LOC112694756: variants seen among roughly 807,000 people sequenced by gnomAD.
the LOC112694756 span, chr16:30,069,370 G>A: frequency 1.2e-6 from 2 of 1,614,180 alleles, no homozygotes. Flanking sequence ...TTGAAGCGCT[G>A]CCAGTATGTG....
chr16:30,068,150 C>T, the LOC112694756 span: 3 of 260,620 alleles, frequency 1.2e-5, no homozygotes, highest in East Asian at 2.0e-4. Flanking sequence ...CTGCAAGTTC[C>T]GCCTCCCAGG....
chr16:30,058,808 G>A, the LOC112694756 span: 1 of 387,290 alleles, frequency 2.6e-6, no homozygotes, highest in Non-Finnish European at 4.6e-6. Flanking sequence ...TGTGCATGTT[G>A]CAAGGTTCTC....
the LOC112694756 span, chr16:30,063,803 G>A: frequency 2.5e-6 from 1 of 399,366 alleles, no homozygotes; most frequent in East Asian, 3.6e-5. Flanking sequence ...CCGACTGCCA[G>A]AGCCTCAACT....
the LOC112694756 span, among the ~76,000 whole-genome samples, chr16:30,061,548 CTTTTTTTTTTTTTTT>C: frequency 1.8e-4 from 12 of 65,624 alleles, 1 homozygote; most frequent in South Asian, 7.8e-3. Context: ...CCTCCATTTC[CTTTTTTTTTTTTTTT>C]TTTTTTTTTT....
chr16:30,063,098 ACC>A, the LOC112694756 span, among the ~76,000 whole-genome samples: 1 of 151,252 alleles, frequency 6.6e-6, no homozygotes, highest in African/African-American at 2.4e-5. Context: ...CCAAGATCGC[ACC>A]ATTGCACTCC....
At chr16:30,069,783 C>T in the LOC112694756 span, 6 of 1,613,198 alleles carry the variant, frequency 3.7e-6, no homozygotes, top group Non-Finnish European at 5.1e-6. Flanking sequence ...CTGCCAGCTT[C>T]CTGGGTCTCT....
the LOC112694756 span, chr16:30,055,286 G>A: frequency 2.5e-6 from 1 of 399,206 alleles, no homozygotes. Flanking sequence ...GCCTAGCCCG[G>A]CCCACTTCCT....
the LOC112694756 span, chr16:30,069,544 C>T: frequency 1.9e-6 from 3 of 1,614,150 alleles, no homozygotes; most frequent in Non-Finnish European, 2.5e-6. Context: ...CCACATCTAC[C>T]TGGAAGGCAC....
At chr16:30,069,174 C>A in the LOC112694756 span, 1 of 1,347,112 alleles carries the variant, frequency 7.4e-7, no homozygotes, top group East Asian at 2.4e-5. Flanking sequence ...CTCTTGTCTC[C>A]TGTAATCTGA....
the LOC112694756 span, among the ~76,000 whole-genome samples, chr16:30,061,144 T>A: frequency 3.2e-3 from 491 of 152,386 alleles, 7 homozygotes; most frequent in East Asian, 0.02. Flanking sequence ...CCTAAGGCAG[T>A]TGCGGGTCAT....
chr16:30,069,820 T>G, the LOC112694756 span: 1 of 1,614,064 alleles, frequency 6.2e-7, no homozygotes, highest in Non-Finnish European at 8.5e-7. Context: ...GCCTCACCCC[T>G]GCTCTACAGG....
At chr16:30,070,214 C>T in the LOC112694756 span, 29 of 1,613,956 alleles carry the variant, frequency 1.8e-5, no homozygotes, top group Admixed American at 2.3e-4. Flanking sequence ...GCCTATTAAG[C>T]GGAGGTGTTC....
At chr16:30,053,989 C>G in the LOC112694756 span, among the ~76,000 whole-genome samples, 1 of 152,134 alleles carries the variant, frequency 6.6e-6, no homozygotes, top group African/African-American at 2.4e-5. Context: ...GATCATGCCG[C>G]TGCACTCCAG....
chr16:30,067,395 G>A, the LOC112694756 span: 1,325 of 1,614,024 alleles, frequency 8.2e-4, 20 homozygotes, highest in East Asian at 0.026. Flanking sequence ...ATGGGTGGAG[G>A]GTGCAGGGTT....
At chr16:30,065,902 G>A in the LOC112694756 span, 1 of 153,542 alleles carries the variant, frequency 6.5e-6, no homozygotes, top group Non-Finnish European at 1.5e-5. Flanking sequence ...GCCGCACCCT[G>A]CACACCCGCC....
chr16:30,067,649 TGTG>T, the LOC112694756 span: 1 of 1,614,084 alleles, frequency 6.2e-7, no homozygotes, highest in Non-Finnish European at 8.5e-7. Context: ...AGGGCGGTGT[TGTG>T]GGCATCAAGG....
chr16:30,059,747 GA>G, the LOC112694756 span, among the ~76,000 whole-genome samples: 16 of 151,362 alleles, frequency 1.1e-4, no homozygotes, highest in Non-Finnish European at 2.4e-4. Flanking sequence ...ATTTTTAGTA[GA>G]GACAGGTTTT....
chr16:30,065,359 G>A, the LOC112694756 span, among the ~76,000 whole-genome samples: 3 of 152,224 alleles, frequency 2.0e-5, no homozygotes, highest in Admixed American at 6.5e-5. Context: ...AAGCTGGGGC[G>A]GCCCCGGGCC....
At chr16:30,066,409 C>T in the LOC112694756 span, among the ~76,000 whole-genome samples, 1 of 152,218 alleles carries the variant, frequency 6.6e-6, no homozygotes. Flanking sequence ...TGATTCTGAG[C>T]CCGGAACAGC....
Sources: allele counts gnomAD v4.1 joint callset (sites outside exome capture counted in the v4.1 genomes callset), GRCh38; gene constraint gnomAD v4.1.1; transcripts MANE v1.5.